Variants in CSRNP1 observed in about 807,000 individuals in gnomAD.
CSRNP1 encodes cysteine/serine-rich nuclear protein 1.
In CSRNP1, 8 loss-of-function variants were observed where a neutral mutation model predicts 25.0. The ratio of observed to expected loss-of-function variants is 0.32; its 90% CI spans 0.19 to 0.58. The LOEUF is 0.58. Among genes scored for constraint, CSRNP1 ranks in the 20% least tolerant of loss-of-function variants. The pLI is 0.88. For synonymous variants in CSRNP1, 305 were observed against 303.1 expected (o/e 1.01, Z -0.06); for missense variants, 691 against 773.1 (o/e 0.89, Z 1.26).
Position 39,143,472 on chromosome 3 carries a change from T to C in CSRNP1, c.1353A>G (p.Ser451=). 1 of 1,614,118 alleles carries C rather than the reference T, an allele frequency of 6.2e-7. No individual in the cohort carries two copies. Among genetic ancestry groups the C allele is most frequent in the Non-Finnish European group, 8.5e-7 (1 of 1,179,950 alleles). Residue 451 remains serine (S), a synonymous_variant, in exon 5 of 5, where the codon TCA becomes TCG. Coordinates refer to ENST00000273153, the MANE Select transcript of CSRNP1 (RefSeq NM_033027.4). The part of the protein sequence containing the change: ...THSYSGCSFT[S]GVLDENANLD... The stretch of plus-strand genomic sequence containing the variant: ...GGTTGGCATTCTCATCCAGGACGCC[T>C]GATGTGAAGCTACAGCCAGAATAGC...
At chr3:39,144,115 C>T (rs771258645) in intron 4 of CSRNP1, 22 bp downstream of exon 4, 2 of 1,609,090 alleles carry the variant, frequency 1.2e-6, no homozygotes, top group South Asian at 2.2e-5. Context: ...TCAGGATCCC[C>T]ATCCCAGTCC....
At chr3:39,154,599 C>T (rs974130446), upstream of CSRNP1, 1 of 152,518 alleles carries the variant, frequency 6.6e-6, no homozygotes, top group East Asian at 1.9e-4. Context: ...CCTTTAAGGG[C>T]TCAGCTTGCA....
intron 4 of CSRNP1, 39 bp downstream of exon 4, chr3:39,144,098 C>T (rs1431341088): frequency 6.2e-7 from 1 of 1,606,234 alleles, no homozygotes; most frequent in Admixed American, 1.7e-5. Context: ...CAAAGAAGTC[C>T]CCACGCTCAG....
At chr3:39,144,094 A>G (rs372829720) in intron 4 of CSRNP1, 43 bp downstream of exon 4, 2 of 1,605,930 alleles carry the variant, frequency 1.2e-6, no homozygotes, top group East Asian at 2.2e-5. Context: ...AGTGCAAAGA[A>G]GTCCCCACGC....
chr3:39,150,515 G>A (rs1212810403), intron 1 of CSRNP1: 1 of 152,258 alleles, frequency 6.6e-6, no homozygotes, highest in Non-Finnish European at 1.5e-5. Flanking sequence ...TAATTTAAGA[G>A]GGGCAGGAGG....
In CSRNP1 at chr3:39,146,243, G is replaced by A. The variant is rs112569095; in HGVS notation, c.205+235C>T. On this transcript the variant is annotated intron_variant, in intron 2 of 4. Transcript: ENST00000273153. Reference sequence around the variant, plus strand: ...GGGCCAGACCGGGAAGGCCCTGAGAGCACTCTGCAGAGCTGCATCCCGGAT... The same window carrying A: ...GGGCCAGACCGGGAAGGCCCTGAGAACACTCTGCAGAGCTGCATCCCGGAT... 3.7e-3 allele frequency among the ~76,000 whole-genome samples: 560 copies of A among 152,300 alleles called. 3 individuals carry two copies. The highest frequency in any genetic ancestry group is 5.6e-3 in the Admixed American group (86 of 15,308).
At chr3:39,144,717 C>G (rs2039480549) in intron 3 of CSRNP1, among the ~76,000 whole-genome samples, 1 of 152,138 alleles carries the variant, frequency 6.6e-6, no homozygotes, top group Admixed American at 6.5e-5. Context: ...TACGCACCCC[C>G]TCCAGTTCAT....
chr3:39,148,605 T>C (rs2039546691), intron 1 of CSRNP1: 1 of 152,350 alleles, frequency 6.6e-6, no homozygotes, highest in Admixed American at 6.6e-5. Context: ...ACCCCTTGTG[T>C]CTGTTCCCCA....
At position 39,143,135 on chromosome 3, in the gene CSRNP1, C is replaced by G. The variant is rs112383054; in HGVS notation, c.1690G>C (p.Ala564Pro). The G allele has an allele frequency of 5.6e-6, 9 of 1,613,776 alleles. No individual in the cohort carries two copies. The East Asian group carries it at 2.0e-4, about 36-fold the overall frequency. The change falls in exon 5 of 5, where the codon GCC (alanine) becomes CCC (proline). Residue 564 changes from alanine (A) to proline (P), a missense_variant. Physicochemically the swap from Ala to Pro is conservative, Grantham distance 27 (BLOSUM62 -1). Transcript: ENST00000273153. ...TCAATAAAGGGATCTAGGGCTTCGG[C>G]GGCTGGCTCGGAGAAGCCCATGAGG... ...ESLMGFSEPA[A>P]EALDPFIDSQ...
rs866090111 is a variant in CSRNP1, at chr3:39,145,076, G to A, written c.386C>T (p.Ala129Val). The change falls in exon 3 of 5, where the codon GCG becomes GTG. Residue 129 changes from alanine to valine, a missense_variant. Ala to Val is a moderately conservative substitution (Grantham distance 64, BLOSUM62 0). Coordinates refer to ENST00000273153, the MANE Select transcript of CSRNP1 (RefSeq NM_033027.4). ...ACRRFSLAEF[A>V]QEQARARHEK... Reference sequence around the variant, plus strand: ...GTGCCGTGCACGGGCTTGCTCCTGCGCAAACTCAGCCAAAGAGAAGCGACG... The same window carrying A: ...GTGCCGTGCACGGGCTTGCTCCTGCACAAACTCAGCCAAAGAGAAGCGACG... The A allele has an allele frequency of 7.4e-6, 12 of 1,614,248 alleles. No individual in the cohort carries two copies. The East Asian group carries it at 8.9e-5, about 12-fold the overall frequency.
chr3:39,153,137 C>G (rs918473970), intron 1 of CSRNP1: 11 of 152,522 alleles, frequency 7.2e-5, no homozygotes, highest in Admixed American at 2.0e-4. Flanking sequence ...CGTCGCCTCG[C>G]CGCTCGCGCG....
At chr3:39,145,869 T>C (rs1208988254) in intron 2 of CSRNP1, among the ~76,000 whole-genome samples, 2 of 152,184 alleles carry the variant, frequency 1.3e-5, no homozygotes, top group African/African-American at 2.4e-5. Flanking sequence ...CTACAGTACA[T>C]AAAAAGGTAA....
chr3:39,142,175 G>A lies in CSRNP1; in HGVS notation c.*880C>T, dbSNP rs2039420925. On this transcript the variant is annotated 3_prime_UTR_variant, in exon 5 of 5. Coordinates refer to ENST00000273153, the MANE Select transcript of CSRNP1 (RefSeq NM_033027.4). ...GCCCTGAGATAATAGTCTGGGGCAT[G>A]GTTCGCGCCCCGAGGTAGGCCCTTT... 6.6e-6 allele frequency: 1 copy of A among 152,318 alleles called. No individual in the cohort carries two copies. Among genetic ancestry groups the A allele is most frequent in the Admixed American group, 6.5e-5 (1 of 15,294 alleles). 9.4% of individuals were successfully genotyped at this position (152,318 alleles called of 1,614,324 possible).
Position 39,144,247 on chromosome 3 carries a change from TCTC to T in CSRNP1, c.667_669del (p.Glu223del). ...TGGCGCAGTGCCTGCAGCTCCCGCT[TCTC>T]CTCCCGATCGATCCTTCGCACACCT... On this transcript the variant is annotated inframe_deletion, in exon 4 of 5. Coordinates refer to ENST00000273153, the MANE Select transcript of CSRNP1 (RefSeq NM_033027.4). 1.9e-6 allele frequency: 3 copies of T among 1,614,026 alleles called. No individual in the cohort carries two copies. In the South Asian group the frequency reaches 3.3e-5, roughly 18 times the overall value.
chr3:39,143,372 G>A lies in CSRNP1; in HGVS notation c.1453C>T (p.Pro485Ser). The A allele has an allele frequency of 6.2e-7, 1 of 1,614,190 alleles. No homozygotes were observed. The highest frequency in any genetic ancestry group is 8.5e-7 in the Non-Finnish European group (1 of 1,180,016). The stretch of plus-strand genomic sequence containing the variant: ...CTACTCCGGCCAGCGTCCATGCTGG[G>A]TGGCACTGAGGTGCCAGGAAGGCTG... ...EGSLPGTSVP[P>S]SMDAGRSSSV... is the part of the protein sequence containing the mutation. The change falls in exon 5 of 5, where the codon CCC (proline) becomes TCC (serine). Residue 485 changes from proline (P) to serine (S), a missense_variant. Transcript: ENST00000273153.
In CSRNP1 at chr3:39,143,618, C is replaced by T. The variant is rs767549459; in HGVS notation, c.1207G>A (p.Gly403Ser). 5 of 1,614,020 alleles carry T rather than the reference C, an allele frequency of 3.1e-6. No homozygotes were observed. Among genetic ancestry groups the T allele is most frequent in the African/African-American group, 2.7e-5 (2 of 74,894 alleles). ...TCCTCCTCTTCCTCCTCCTCCCCAC[C>T]GAAGTCAGAGTCACTGAAACTCAAG... ...RILSFSDSDF[G>S]GEEEEEEEGS... Residue 403 changes from glycine to serine, a missense_variant, in exon 5 of 5, where the codon GGT becomes AGT. Gly to Ser is a moderately conservative substitution (Grantham distance 56). Coordinates refer to ENST00000273153, the MANE Select transcript of CSRNP1 (RefSeq NM_033027.4).
chr3:39,151,962 C>CTCAT (rs1164460566), intron 1 of CSRNP1: 1 of 152,388 alleles, frequency 6.6e-6, no homozygotes, highest in Non-Finnish European at 1.5e-5. Context: ...TCTTCCCTCT[C>CTCAT]TCATTCATTC....
Position 39,145,210 on chromosome 3 carries a change from T to C in CSRNP1, c.252A>G (p.Val84=). 2.5e-6 allele frequency: 4 copies of C among 1,612,720 alleles called. No homozygotes were observed. Among genetic ancestry groups the C allele is most frequent in the African/African-American group, 1.3e-5 (1 of 75,036 alleles). The part of the protein sequence containing the change: ...KRARRERPGR[V]AFDGITVFYF... Reference sequence around the variant, plus strand: ...AGAAGACGGTGATCCCATCAAAGGCTACACGGCCTGGGCGCTCCCGGCGAG... The same window carrying C: ...AGAAGACGGTGATCCCATCAAAGGCCACACGGCCTGGGCGCTCCCGGCGAG... The change falls in exon 3 of 5, where the codon GTA becomes GTG. Residue 84 remains valine (V), a synonymous_variant. Coordinates refer to ENST00000273153, the MANE Select transcript of CSRNP1 (RefSeq NM_033027.4).
At chr3:39,145,953 G>T (rs1419591814) in intron 2 of CSRNP1, among the ~76,000 whole-genome samples, 2 of 152,112 alleles carry the variant, frequency 1.3e-5, no homozygotes, top group African/African-American at 4.8e-5. Context: ...GGCTTCCTGG[G>T]GAACAATAAT....
Sources: gnomAD v4.1 joint callset for allele counts (sites outside exome capture counted in the v4.1 genomes callset) on GRCh38, gnomAD v4.1.1 for gene constraint, MANE v1.5 for transcripts, NCBI Gene and HGNC (gene_info 2026-07-23, HGNC 2026-07-21) for gene names.